NCOA1: variants seen among roughly 807,000 people sequenced by gnomAD.
NCOA1 encodes Hin-2 protein.
In NCOA1, 35 loss-of-function variants were observed where a neutral mutation model predicts 150.9. That is an observed-to-expected ratio of 0.23 (90% CI 0.18 to 0.31). The LOEUF (loss-of-function observed/expected upper bound fraction) is 0.31. NCOA1 is among the 10% of genes least tolerant of loss of function. The probability of loss-of-function intolerance (pLI) is 1.00; values close to 1 mark genes in which losing one functional copy is unlikely to be tolerated. For synonymous variants in NCOA1, 590 were observed against 630.0 expected, an observed-to-expected ratio of 0.94 and a Z score of 0.95; for missense variants, 1,491 against 1,749.3, an observed-to-expected ratio of 0.85 and a Z score of 2.63.
At chr2:24,760,580 CAGTACTTTAA>C (rs1664741970) in intron 21 of NCOA1, among the ~76,000 whole-genome samples, 1 of 152,100 alleles carries the variant, frequency 6.6e-6, no homozygotes, top group Non-Finnish European at 1.5e-5. Flanking sequence ...TTTTAGCTTT[CAGTACTTTAA>C]AGATGTTGCT....
At chr2:24,619,691 A>G (rs1026208480) in intron 3 of NCOA1, among the ~76,000 whole-genome samples, 1 of 152,092 alleles carries the variant, frequency 6.6e-6, no homozygotes, top group Non-Finnish European at 1.5e-5. Context: ...GGGCAGGGGG[A>G]CAGATTGGTT....
intron 1 of NCOA1, among the ~76,000 whole-genome samples, chr2:24,527,109 A>G (rs1189291599): frequency 6.6e-6 from 1 of 152,212 alleles, no homozygotes; most frequent in Non-Finnish European, 1.5e-5. Flanking sequence ...TAAAATAGTT[A>G]CTATAGTAAG....
intron 2 of NCOA1, among the ~76,000 whole-genome samples, chr2:24,567,805 T>C (rs1666575276): frequency 6.6e-6 from 1 of 152,160 alleles, no homozygotes. Context: ...CTAGAGTGTG[T>C]GGTGGCATGA....
intron 20 of NCOA1, among the ~76,000 whole-genome samples, chr2:24,756,071 T>TAAAAAAAAAAA: frequency 9.2e-6 from 1 of 108,202 alleles, no homozygotes; most frequent in Non-Finnish European, 1.8e-5. Flanking sequence ...CCATCTCTAC[T>TAAAAAAAAAAA]AAAAAAAAAA....
intron 14 of NCOA1, among the ~76,000 whole-genome samples, chr2:24,712,990 A>G (rs1284020354): frequency 6.6e-6 from 1 of 152,148 alleles, no homozygotes; most frequent in African/African-American, 2.4e-5. Flanking sequence ...GCACTTTGGG[A>G]GGCTGAGGCA....
At chr2:24,589,402 C>T (rs980608672) in intron 3 of NCOA1, among the ~76,000 whole-genome samples, 8 of 152,112 alleles carry the variant, frequency 5.3e-5, no homozygotes, top group Non-Finnish European at 1.2e-4. Context: ...CTGGCAAAGT[C>T]GTCAATCTGT....
At chr2:24,592,694 T>A (rs987016027) in intron 3 of NCOA1, among the ~76,000 whole-genome samples, 1 of 149,826 alleles carries the variant, frequency 6.7e-6, no homozygotes, top group Non-Finnish European at 1.5e-5. Context: ...GGAAGCAGAG[T>A]GATCTAGATA....
At chr2:24,725,792 T>G (rs1431371068) in intron 14 of NCOA1, among the ~76,000 whole-genome samples, 5 of 151,742 alleles carry the variant, frequency 3.3e-5, no homozygotes, top group Non-Finnish European at 5.9e-5. Flanking sequence ...ATGAAATAGT[T>G]TATAAAAACA....
chr2:24,656,029 A>C (rs1670929537), intron 4 of NCOA1, among the ~76,000 whole-genome samples: 1 of 148,344 alleles, frequency 6.7e-6, no homozygotes, highest in South Asian at 2.2e-4. Context: ...CGGAGCTTGC[A>C]GTGAGCTGAG....
At chr2:24,664,834 T>C (rs1267914773) in intron 5 of NCOA1, among the ~76,000 whole-genome samples, 2 of 152,246 alleles carry the variant, frequency 1.3e-5, no homozygotes, top group African/African-American at 2.4e-5. Flanking sequence ...AGCCAAATGA[T>C]TTTGATTGCT....
chr2:24,739,911 G>A (rs1663520403), intron 18 of NCOA1, among the ~76,000 whole-genome samples: 1 of 151,824 alleles, frequency 6.6e-6, no homozygotes, highest in South Asian at 2.1e-4. Flanking sequence ...TAACTATCTT[G>A]TGTACTATGT....
intron 11 of NCOA1, among the ~76,000 whole-genome samples, chr2:24,699,086 A>G (rs1673034292): frequency 6.6e-6 from 1 of 152,188 alleles, no homozygotes; most frequent in Non-Finnish European, 1.5e-5. Flanking sequence ...AACCATTACA[A>G]TAAGTAACTA....
At chr2:24,604,685 G>A (rs1668277420) in intron 3 of NCOA1, among the ~76,000 whole-genome samples, 1 of 152,220 alleles carries the variant, frequency 6.6e-6, no homozygotes, top group South Asian at 2.1e-4. Context: ...AAATGCTGTA[G>A]CTGGTTTGAT....
At chr2:24,673,742 G>A (rs930761878) in intron 7 of NCOA1, among the ~76,000 whole-genome samples, 11 of 152,082 alleles carry the variant, frequency 7.2e-5, no homozygotes, top group Admixed American at 7.2e-4. Flanking sequence ...GTGGTGGTTA[G>A]GCCTAGTTGG....
intron 2 of NCOA1, among the ~76,000 whole-genome samples, chr2:24,578,436 T>G (rs557363838): frequency 6.6e-6 from 1 of 152,054 alleles, no homozygotes; most frequent in South Asian, 2.1e-4. Context: ...CAATTAAAAC[T>G]AAAAAGAAAA....
intron 3 of NCOA1, among the ~76,000 whole-genome samples, chr2:24,592,477 T>G (rs1277093686): frequency 6.6e-6 from 1 of 152,138 alleles, no homozygotes; most frequent in Non-Finnish European, 1.5e-5. Context: ...GTTATCATCT[T>G]GAAGCCTTTG....
At chr2:24,510,954 CT>C (rs1236035179) in intron 1 of NCOA1, among the ~76,000 whole-genome samples, 1 of 152,190 alleles carries the variant, frequency 6.6e-6, no homozygotes, top group Non-Finnish European at 1.5e-5. Flanking sequence ...TAATATCAAA[CT>C]TTTGTTTCCT....
intron 13 of NCOA1, among the ~76,000 whole-genome samples, chr2:24,710,179 C>T (rs886437299): frequency 5.3e-5 from 8 of 152,038 alleles, no homozygotes; most frequent in African/African-American, 1.9e-4. Context: ...CTGCAACCTC[C>T]GCCTCCCAGG....
chr2:24,588,955 C>T (rs988108264), intron 3 of NCOA1, among the ~76,000 whole-genome samples: 3 of 152,018 alleles, frequency 2.0e-5, no homozygotes, highest in East Asian at 1.9e-4. Context: ...ACTGGATGGC[C>T]GGAAGAAGAG....
Sources: gnomAD v4.1 joint callset for allele counts (sites outside exome capture counted in the v4.1 genomes callset) on GRCh38, gnomAD v4.1.1 for gene constraint, MANE v1.5 for transcripts, NCBI Gene and HGNC (gene_info 2026-07-23, HGNC 2026-07-21) for gene names.